The following KCND3 variants were observed in gnomAD, a reference collection of about 807,000 sequenced individuals.
KCND3 encodes the protein A-type voltage-gated potassium channel KCND3.
A neutral mutation model predicts 51.1 loss-of-function variants in KCND3; 9 were observed. The observed-to-expected ratio is 0.18, with a 90% CI of 0.11 to 0.31. The LOEUF (loss-of-function observed/expected upper bound fraction) is 0.31, where lower values mean the gene tolerates loss of function less well. Among genes scored for constraint, KCND3 ranks in the 10% least tolerant of loss-of-function variants. The probability of loss-of-function intolerance (pLI) is 1.00; values close to 1 mark genes in which losing one functional copy is unlikely to be tolerated. For missense variants in KCND3, 526 were observed against 903.8 expected (o/e 0.58, Z 5.36); for synonymous variants, 349 against 368.0 (o/e 0.95, Z 0.59).
At chr1:111,827,020 A>G (rs1214677448) in intron 2 of KCND3, among the ~76,000 whole-genome samples, 2 of 152,120 alleles carry the variant, frequency 1.3e-5, no homozygotes, top group Non-Finnish European at 2.9e-5. Flanking sequence ...TCCACTGAGC[A>G]TTTTCTTTGT....
intron 2 of KCND3, among the ~76,000 whole-genome samples, chr1:111,968,350 A>T (rs993522942): frequency 6.6e-6 from 1 of 152,164 alleles, no homozygotes; most frequent in African/African-American, 2.4e-5. Context: ...GAAATGGGCC[A>T]CAGAAGAAGG....
At chr1:111,850,884 C>T (rs1375001941) in intron 2 of KCND3, among the ~76,000 whole-genome samples, 1 of 152,238 alleles carries the variant, frequency 6.6e-6, no homozygotes, top group African/African-American at 2.4e-5. Context: ...ATGTCTCTCA[C>T]ATGAGAAACC....
chr1:111,922,226 A>C (rs1401782822), intron 2 of KCND3, among the ~76,000 whole-genome samples: 1 of 152,242 alleles, frequency 6.6e-6, no homozygotes, highest in Non-Finnish European at 1.5e-5. Flanking sequence ...GAAGGGAGAC[A>C]TTAAGAGGAA....
Position 111,775,763 on chromosome 1 carries a change from C to G in KCND3, c.*314G>C, listed in dbSNP as rs1664073901. The G allele has an allele frequency of 6.8e-6, 3 of 440,146 alleles. No homozygotes were observed. The highest frequency in any genetic ancestry group is 3.5e-5 in the Admixed American group (1 of 28,956). 27.3% of individuals were successfully genotyped at this position (440,146 alleles called of 1,614,324 possible). On this transcript the variant is annotated 3_prime_UTR_variant, in exon 8 of 8. Coordinates refer to ENST00000302127, the MANE Select transcript of KCND3 (RefSeq NM_001378969.1). The stretch of plus-strand genomic sequence containing the variant: ...ACTGTTATTTGGTCTGAGTCTGAGG[C>G]TCCTCCATCCAGGCCCTGTCCTGGC...
At chr1:111,851,409 T>C (rs1341824601) in intron 2 of KCND3, among the ~76,000 whole-genome samples, 1 of 152,160 alleles carries the variant, frequency 6.6e-6, no homozygotes, top group East Asian at 1.9e-4. Flanking sequence ...TTAAGGACTG[T>C]TCATCTTCTA....
chr1:111,840,790 C>A (rs1370219498), intron 2 of KCND3, among the ~76,000 whole-genome samples: 1 of 152,156 alleles, frequency 6.6e-6, no homozygotes, highest in Admixed American at 6.5e-5. Context: ...TGAAGATGCC[C>A]GGTGTCCCCT....
Position 111,773,936 on chromosome 1 carries a change from G to A in KCND3, c.*2141C>T, listed in dbSNP as rs995812052. 1.3e-5 allele frequency: 2 copies of A among 152,134 alleles called. No homozygotes were observed. The highest frequency in any genetic ancestry group is 2.9e-5 in the Non-Finnish European group (2 of 68,042). The allele number at this position is 152,134 out of a possible 1,614,324, so 9.4% of individuals were successfully genotyped here. On this transcript the variant is annotated 3_prime_UTR_variant, in exon 8 of 8. Coordinates refer to ENST00000302127, the MANE Select transcript of KCND3 (RefSeq NM_001378969.1). ...AGTATGTATTCTCTGATGTGTTTAG[G>A]TTGGTTGTGTGTATACACATGTACT...
intron 6 of KCND3, among the ~76,000 whole-genome samples, chr1:111,777,504 C>T (rs1379170482): frequency 6.6e-6 from 1 of 152,160 alleles, no homozygotes. Flanking sequence ...GTAGGGACTG[C>T]AGTTGTGAAA....
intron 2 of KCND3, among the ~76,000 whole-genome samples, chr1:111,787,613 G>C (rs937242718): frequency 3.3e-5 from 5 of 152,200 alleles, no homozygotes; most frequent in Non-Finnish European, 7.4e-5. Flanking sequence ...AGGAGGGTAA[G>C]GCAGGCAGGG....
chr1:111,841,214 T>C (rs74839385), intron 2 of KCND3, among the ~76,000 whole-genome samples: 3,976 of 152,326 alleles, frequency 0.026, 197 homozygotes, highest in African/African-American at 0.09. Flanking sequence ...GTGTGTGGCA[T>C]ACCCTTCTTC....
rs1269487451 is a variant in KCND3, at chr1:111,853,652, T to G, written c.1107-66546A>C. 2 of 152,284 alleles carry G rather than the reference T, an allele frequency of 1.3e-5. 1 individual carries two copies. The highest frequency in any genetic ancestry group is 2.9e-5 in the Non-Finnish European group (2 of 68,090). 9.4% of individuals were successfully genotyped at this position (152,284 alleles called of 1,614,324 possible). On this transcript the variant is annotated intron_variant, in intron 2 of 7. Coordinates refer to ENST00000302127, the MANE Select transcript of KCND3 (RefSeq NM_001378969.1). ...ATGATGCTTTCTTTCCTCATTCCTG[T>G]GTCCCCACCCCTGTTCCCTACTAGA...
chr1:111,889,139 T>A (rs1402672394), intron 2 of KCND3, among the ~76,000 whole-genome samples: 1 of 152,226 alleles, frequency 6.6e-6, no homozygotes, highest in African/African-American at 2.4e-5. Context: ...TGTATTGTTT[T>A]CAGCAACCTG....
chr1:111,881,031 A>G (rs924415995), intron 2 of KCND3, among the ~76,000 whole-genome samples: 3 of 152,126 alleles, frequency 2.0e-5, no homozygotes, highest in Admixed American at 2.0e-4. Flanking sequence ...ACGCAGCTGG[A>G]AGCAGCTCTC....
intron 2 of KCND3, among the ~76,000 whole-genome samples, chr1:111,956,096 C>T (rs892471028): frequency 2.6e-5 from 4 of 151,968 alleles, no homozygotes; most frequent in African/African-American, 9.7e-5. Context: ...AGGGGCATGC[C>T]CAGTCCTAAC....
Position 111,979,280 on chromosome 1 carries a change from C to T in KCND3, c.1106+2341G>A, listed in dbSNP as rs1674811954. 2.0e-5 allele frequency among the ~76,000 whole-genome samples: 3 copies of T among 152,188 alleles called. No homozygotes were observed. In the South Asian group the frequency reaches 6.2e-4, roughly 32 times the overall value. ...ACTCCACTTTGATGCTGGACTTGCC[C>T]CTTAATCTACAGGGTGAATGACAAA... On this transcript the variant is annotated intron_variant, in intron 2 of 7. Transcript: ENST00000302127.
At chr1:111,854,682 T>C (rs990247040) in intron 2 of KCND3, among the ~76,000 whole-genome samples, 2 of 152,192 alleles carry the variant, frequency 1.3e-5, no homozygotes, top group Non-Finnish European at 2.9e-5. Context: ...CTGCTCTTAG[T>C]TGCTGCTACT....
chr1:111,895,109 A>G (rs931604092), intron 2 of KCND3, among the ~76,000 whole-genome samples: 2 of 140,074 alleles, frequency 1.4e-5, no homozygotes, highest in Non-Finnish European at 3.1e-5. Flanking sequence ...AAAGGAGGGG[A>G]AGGAAGAGGA....
intron 2 of KCND3, among the ~76,000 whole-genome samples, chr1:111,859,942 A>G (rs1668258718): frequency 6.6e-6 from 1 of 152,196 alleles, no homozygotes; most frequent in Non-Finnish European, 1.5e-5. Context: ...GGTGTGAGAG[A>G]GCCTTTCCCT....
intron 2 of KCND3, among the ~76,000 whole-genome samples, chr1:111,927,224 C>G (rs1203613199): frequency 6.6e-6 from 1 of 152,162 alleles, no homozygotes; most frequent in Non-Finnish European, 1.5e-5. Context: ...GGGCTGCCCC[C>G]CAGTGGGGGC....
Sources: gnomAD v4.1 joint callset for allele counts (sites outside exome capture counted in the v4.1 genomes callset) on GRCh38, gnomAD v4.1.1 for gene constraint, MANE v1.5 for transcripts, NCBI Gene and HGNC (gene_info 2026-07-23, HGNC 2026-07-21) for gene names.